The following UBE2D4 variants were observed in gnomAD, a reference collection of about 807,000 sequenced individuals.
UBE2D4 encodes ubiquitin conjugating enzyme E2 D4.
In UBE2D4, 17 loss-of-function variants were observed where a neutral mutation model predicts 23.0. That is an observed-to-expected ratio of 0.74 (90% CI 0.51 to 1.11). The LOEUF (loss-of-function observed/expected upper bound fraction) is 1.11. Among genes scored for constraint, UBE2D4 ranks in the 50% least tolerant of loss-of-function variants. The pLI is 0.00. For synonymous variants in UBE2D4, 61 were observed against 69.4 expected, an observed-to-expected ratio of 0.88 and a Z score of 0.60; for missense variants, 139 against 181.8, an observed-to-expected ratio of 0.76 and a Z score of 1.35.
Position 43,955,736 on chromosome 7 carries a change from A to G in UBE2D4, c.*3041A>G, listed in dbSNP as rs921628104. 6.6e-6 allele frequency: 1 copy of G among 152,212 alleles called. No homozygotes were observed. Among genetic ancestry groups the G allele is most frequent in the East Asian group, 1.9e-4 (1 of 5,170 alleles). The allele number at this position is 152,212 out of a possible 1,614,324, so 9.4% of individuals were successfully genotyped here. A position where few individuals can be genotyped will look rare whatever the true frequency, so the allele number is the denominator to read the frequency against. On this transcript the variant is annotated 3_prime_UTR_variant, in exon 7 of 7. Transcript: ENST00000222402. ...GGAACCCTAAGATTAGCATAGAGCC[A>G]CTCATCTCTCCTCCCCTCCCCACCC...
intron 5 of UBE2D4, 62 bp downstream of exon 5, chr7:43,948,799 C>A: frequency 7.6e-7 from 1 of 1,310,888 alleles, no homozygotes; most frequent in Non-Finnish European, 1.1e-6. Context: ...CCAGCACTGA[C>A]TGAGTGGAAA....
intron 1 of UBE2D4, among the ~76,000 whole-genome samples, chr7:43,933,749 A>G (rs1210217014): frequency 6.6e-6 from 1 of 152,212 alleles, no homozygotes; most frequent in Non-Finnish European, 1.5e-5. Context: ...GTCTCTAAAA[A>G]TAAAAATAAA....
intron 1 of UBE2D4, among the ~76,000 whole-genome samples, chr7:43,931,767 C>T (rs1443991761): frequency 1.3e-5 from 2 of 152,100 alleles, no homozygotes; most frequent in African/African-American, 4.8e-5. Flanking sequence ...GGTGCAATTT[C>T]TGATCACTGC....
At chr7:43,943,281 T>A (rs1357220791) in intron 4 of UBE2D4, 4 of 586,792 alleles carry the variant, frequency 6.8e-6, no homozygotes, top group Admixed American at 3.0e-5. Flanking sequence ...ATGCTTCTCC[T>A]TGTGACTGTA....
chr7:43,951,264 A>G (rs764397261), intron 6 of UBE2D4, among the ~76,000 whole-genome samples: 2 of 152,164 alleles, frequency 1.3e-5, no homozygotes, highest in Non-Finnish European at 2.9e-5. Context: ...GCCAGGCACA[A>G]CCACATGCAC....
At chr7:43,929,831 T>C (rs2095941571) in intron 1 of UBE2D4, among the ~76,000 whole-genome samples, 1 of 152,198 alleles carries the variant, frequency 6.6e-6, no homozygotes, top group Admixed American at 6.5e-5. Context: ...AACAACAGAA[T>C]TGTAGGAAAT....
In UBE2D4 at chr7:43,952,960, C is replaced by T; in HGVS notation, c.*265C>T. On this transcript the variant is annotated 3_prime_UTR_variant, in exon 7 of 7. Coordinates refer to ENST00000222402, the MANE Select transcript of UBE2D4 (RefSeq NM_015983.4). ...CCTGGTGACACTGGAATCTCTCTCT[C>T]TGCCGCCTCAGTTTGTCTGCTGGTC... 2.3e-6 allele frequency: 1 copy of T among 428,390 alleles called. No homozygotes were observed. Among genetic ancestry groups the T allele is most frequent in the Non-Finnish European group, 4.4e-6 (1 of 225,998 alleles). The allele number at this position is 428,390 out of a possible 1,614,324, so 26.5% of individuals were successfully genotyped here. A position where few individuals can be genotyped will look rare whatever the true frequency, so the allele number is the denominator to read the frequency against.
At position 43,926,472 on chromosome 7, in the gene UBE2D4, G is replaced by C. The variant is rs2095930714; in HGVS notation, c.-61G>C. 7.1e-7 allele frequency: 1 copy of C among 1,411,430 alleles called. No homozygotes were observed. The allele number at this position is 1,411,430 out of a possible 1,614,324, so 87.4% of individuals were successfully genotyped here. Reference sequence around the variant, plus strand: ...CGTGCAGCTTGGTGGCGGCTGAGCCGGCAGCGGGCCGCCTCAGGCAGCCCC... The same window carrying C: ...CGTGCAGCTTGGTGGCGGCTGAGCCCGCAGCGGGCCGCCTCAGGCAGCCCC... On this transcript the variant is annotated 5_prime_UTR_variant, in exon 1 of 7. Coordinates refer to ENST00000222402, the MANE Select transcript of UBE2D4 (RefSeq NM_015983.4).
At chr7:43,930,234 T>A (rs1365417118) in intron 1 of UBE2D4, among the ~76,000 whole-genome samples, 6 of 152,170 alleles carry the variant, frequency 3.9e-5, no homozygotes, top group Non-Finnish European at 8.8e-5. Flanking sequence ...GACAGTGAGT[T>A]GACCAGAACT....
At chr7:43,927,660 GTCATT>G (rs1456656112) in intron 1 of UBE2D4, among the ~76,000 whole-genome samples, 2 of 152,228 alleles carry the variant, frequency 1.3e-5, no homozygotes, top group Non-Finnish European at 2.9e-5. Context: ...AACTTATTTA[GTCATT>G]ACCTGTAGTA....
intron 4 of UBE2D4, among the ~76,000 whole-genome samples, chr7:43,946,826 G>A (rs1377556056): frequency 1.3e-5 from 2 of 152,058 alleles, no homozygotes; most frequent in Non-Finnish European, 2.9e-5. Flanking sequence ...AAGTAGAAAG[G>A]TGGGGAGGGT....
intron 6 of UBE2D4, 56 bp downstream of exon 6, chr7:43,950,748 C>A: frequency 2.9e-6 from 4 of 1,393,304 alleles, no homozygotes; most frequent in African/African-American, 1.4e-5. Context: ...CAGCTCCATG[C>A]AGTACCTGTG....
intron 1 of UBE2D4, among the ~76,000 whole-genome samples, chr7:43,932,831 A>AT (rs1359836110): frequency 6.6e-6 from 1 of 150,782 alleles, no homozygotes; most frequent in Non-Finnish European, 1.5e-5. Flanking sequence ...TAAAAAAATA[A>AT]TAATAGAAAA....
At chr7:43,939,785 A>G (rs1361233816) in intron 2 of UBE2D4, among the ~76,000 whole-genome samples, 1 of 152,232 alleles carries the variant, frequency 6.6e-6, no homozygotes, top group Non-Finnish European at 1.5e-5. Flanking sequence ...ATATGATTCC[A>G]CTTACATGAA....
rs2096010596 is a variant in UBE2D4 at position 43,955,013 on chromosome 7, G to T, written c.*2318G>T. The stretch of plus-strand genomic sequence containing the variant: ...ATAGAGAAAGTCAAATCAGCCCTTT[G>T]GGGTTTGTGGTAAAAATTCACTCAC... On this transcript the variant is annotated 3_prime_UTR_variant, in exon 7 of 7. Transcript: ENST00000222402. 6.6e-6 allele frequency: 1 copy of T among 152,164 alleles called. No individual in the cohort carries two copies. Among genetic ancestry groups the T allele is most frequent in the Non-Finnish European group, 1.5e-5 (1 of 68,016 alleles). The allele number at this position is 152,164 out of a possible 1,614,324, so 9.4% of individuals were successfully genotyped here. A position where few individuals can be genotyped will look rare whatever the true frequency, so the allele number is the denominator to read the frequency against.
chr7:43,926,865 G>A (rs892367543), intron 1 of UBE2D4, among the ~76,000 whole-genome samples: 8 of 152,246 alleles, frequency 5.3e-5, no homozygotes, highest in African/African-American at 1.7e-4. Context: ...AGGGCTGGGT[G>A]GGTATCCAGA....
rs1034996850 is a variant in UBE2D4, at chr7:43,926,442, C to T, written c.-91C>T. The T allele has an allele frequency of 4.2e-5, 50 of 1,190,156 alleles. No individual in the cohort carries two copies. The highest frequency in any genetic ancestry group is 5.1e-5 in the Non-Finnish European group (47 of 924,644). The allele number at this position is 1,190,156 out of a possible 1,614,324, so 73.7% of individuals were successfully genotyped here. ...GCGCGCGCAAGCGCAGGCTGCGGCT[C>T]CCGGCGTGCAGCTTGGTGGCGGCTG... is the stretch of plus-strand genomic sequence containing the variant. On this transcript the variant is annotated 5_prime_UTR_variant, in exon 1 of 7. Transcript: ENST00000222402.
intron 5 of UBE2D4, chr7:43,949,095 C>T (rs1001026965): frequency 3.5e-5 from 12 of 346,260 alleles, no homozygotes; most frequent in Admixed American, 8.9e-5. Flanking sequence ...AAGCACAAAA[C>T]GGACTGTGAG....
At chr7:43,931,784 C>T (rs925857954) in intron 1 of UBE2D4, among the ~76,000 whole-genome samples, 7 of 150,302 alleles carry the variant, frequency 4.7e-5, no homozygotes, top group African/African-American at 1.5e-4. Flanking sequence ...CTGCAGCCTC[C>T]GTCTCTCTGG....
Sources: allele counts gnomAD v4.1 joint callset (sites outside exome capture counted in the v4.1 genomes callset), GRCh38; gene constraint gnomAD v4.1.1; transcripts MANE v1.5; gene names NCBI Gene and HGNC (gene_info 2026-07-23, HGNC 2026-07-21).